The following CCSER1 variants were observed in gnomAD, a reference collection of about 807,000 sequenced individuals.
The protein encoded by CCSER1 is coiled-coil serine rich protein 1, also known as serine-rich coiled-coil domain-containing protein 1.
A neutral mutation model predicts 82.0 loss-of-function variants in CCSER1; 41 were observed. The observed-to-expected ratio is 0.50, with a 90% CI of 0.39 to 0.65. CCSER1 has a LOEUF of 0.65. Among genes scored for constraint, CCSER1 ranks in the 30% least tolerant of loss-of-function variants. CCSER1 has a pLI of 0.00. For synonymous variants in CCSER1, 414 were observed against 383.9 expected (o/e 1.08, Z -0.92); for missense variants, 1,119 against 1,064.2 (o/e 1.05, Z -0.72).
intron 3 of CCSER1, among the ~76,000 whole-genome samples, chr4:90,375,816 T>A (rs1748208844): frequency 6.6e-6 from 1 of 152,152 alleles, no homozygotes; most frequent in Admixed American, 6.5e-5. Flanking sequence ...CTGGCTGGCA[T>A]GGACATAAAT....
At position 91,541,482 on chromosome 4, in the gene CCSER1, G is replaced by C. The variant is rs574661273; in HGVS notation, c.2218-57090G>C. 1.5e-3 allele frequency among the ~76,000 whole-genome samples: 226 copies of C among 152,176 alleles called. 2 individuals are homozygous for C. Among genetic ancestry groups the C allele is most frequent in the African/African-American group, 5.2e-3 (215 of 41,518 alleles). On this transcript the variant is annotated intron_variant, in intron 10 of 10. Coordinates refer to ENST00000509176, the MANE Select transcript of CCSER1 (RefSeq NM_001145065.2). ...TATGAGTGAGAACATGCGGTGTTTG[G>C]TTTTCTGTCCTTGCAATAGTTTGCT...
intron 10 of CCSER1, among the ~76,000 whole-genome samples, chr4:91,487,077 T>A (rs1233192620): frequency 6.6e-6 from 1 of 152,212 alleles, no homozygotes. Context: ...AAAGAAACTA[T>A]TAATTTACAA....
chr4:90,303,441 A>G (rs1733570685), intron 1 of CCSER1, among the ~76,000 whole-genome samples: 1 of 152,134 alleles, frequency 6.6e-6, no homozygotes, highest in African/African-American at 2.4e-5. Context: ...TGGTACTGGT[A>G]CCAAAACACA....
chr4:91,000,969 G>A (rs532444951), intron 9 of CCSER1, among the ~76,000 whole-genome samples: 1 of 152,186 alleles, frequency 6.6e-6, no homozygotes, highest in East Asian at 1.9e-4. Context: ...GTTTAATAAG[G>A]GGTGCTGAGA....
At chr4:90,369,643 AC>A (rs1236510920) in intron 3 of CCSER1, among the ~76,000 whole-genome samples, 5 of 152,146 alleles carry the variant, frequency 3.3e-5, no homozygotes, top group Non-Finnish European at 5.9e-5. Context: ...TTGGGAGTGT[AC>A]TAATATAAAT....
intron 10 of CCSER1, among the ~76,000 whole-genome samples, chr4:91,512,487 T>G (rs1325183385): frequency 6.6e-6 from 1 of 152,178 alleles, no homozygotes; most frequent in Admixed American, 6.6e-5. Context: ...TCCCTACTTT[T>G]GAGGTTTTGG....
chr4:91,439,468 G>C (rs934208212), intron 10 of CCSER1, among the ~76,000 whole-genome samples: 5 of 151,944 alleles, frequency 3.3e-5, no homozygotes. Context: ...CCCTAAAAGA[G>C]CTCCTGAAGG....
intron 10 of CCSER1, among the ~76,000 whole-genome samples, chr4:91,115,231 T>C (rs1581584086): frequency 6.6e-6 from 1 of 152,358 alleles, no homozygotes; most frequent in Admixed American, 6.5e-5. Context: ...TTATGAGTTT[T>C]CAACTAAGTG....
chr4:90,310,818 T>C (rs1735158832), intron 2 of CCSER1, among the ~76,000 whole-genome samples: 1 of 152,104 alleles, frequency 6.6e-6, no homozygotes, highest in Non-Finnish European at 1.5e-5. Flanking sequence ...GATTATAAAG[T>C]TTATCCATAA....
At chr4:90,636,411 G>A (rs1336373761) in intron 6 of CCSER1, among the ~76,000 whole-genome samples, 4 of 151,394 alleles carry the variant, frequency 2.6e-5, no homozygotes, top group Admixed American at 6.6e-5. Context: ...AAAAAAAATT[G>A]GCAAAAATCC....
In CCSER1 at chr4:91,552,906, C is replaced by T. The variant is rs965283418; in HGVS notation, c.2218-45666C>T. 3.2e-4 allele frequency among the ~76,000 whole-genome samples: 49 copies of T among 151,386 alleles called. 1 individual carries two copies. Among genetic ancestry groups the T allele is most frequent in the Non-Finnish European group, 7.1e-4 (48 of 67,798 alleles). On this transcript the variant is annotated intron_variant, in intron 10 of 10. Transcript: ENST00000509176. Reference sequence around the variant, plus strand: ...ATTGCTCTACATAGGATGTCCAATACTATATCAAATAGAACTGGCAAGTGT... The same window carrying T: ...ATTGCTCTACATAGGATGTCCAATATTATATCAAATAGAACTGGCAAGTGT...
At chr4:90,948,999 GA>G (rs1454643980) in intron 9 of CCSER1, among the ~76,000 whole-genome samples, 3 of 152,024 alleles carry the variant, frequency 2.0e-5, no homozygotes, top group Non-Finnish European at 4.4e-5. Context: ...GTCTGACGTG[GA>G]ATGTGATAAT....
intron 2 of CCSER1, among the ~76,000 whole-genome samples, chr4:90,311,542 A>C (rs1579113158): frequency 6.6e-6 from 1 of 152,300 alleles, no homozygotes; most frequent in East Asian, 1.9e-4. Context: ...TGAAGTTTAA[A>C]ATTTTAAAAA....
chr4:91,076,634 C>T (rs1367964289), intron 9 of CCSER1, among the ~76,000 whole-genome samples: 2 of 151,846 alleles, frequency 1.3e-5, no homozygotes, highest in African/African-American at 2.4e-5. Flanking sequence ...AAAAAATAAG[C>T]TAAAATAATA....
intron 10 of CCSER1, among the ~76,000 whole-genome samples, chr4:91,514,740 G>C (rs1760009917): frequency 6.6e-6 from 1 of 152,300 alleles, no homozygotes; most frequent in Non-Finnish European, 1.5e-5. Context: ...TTTAGTTCCA[G>C]TCAAAGTCTG....
chr4:90,653,018 G>A (rs1729054744), intron 6 of CCSER1, among the ~76,000 whole-genome samples: 1 of 151,890 alleles, frequency 6.6e-6, no homozygotes, highest in Non-Finnish European at 1.5e-5. Flanking sequence ...CTTTTAGGGG[G>A]CCAAGCCTAT....
At chr4:90,445,972 A>G (rs1560529199) in intron 4 of CCSER1, among the ~76,000 whole-genome samples, 1 of 152,188 alleles carries the variant, frequency 6.6e-6, no homozygotes, top group East Asian at 1.9e-4. Context: ...AGGATGAAAT[A>G]CCAACAACTT....
chr4:91,429,469 T>G (rs1754170318), intron 10 of CCSER1, among the ~76,000 whole-genome samples: 1 of 151,992 alleles, frequency 6.6e-6, no homozygotes, highest in Admixed American at 6.6e-5. Flanking sequence ...ACCCATTACG[T>G]GCCCAATTCT....
chr4:90,257,530 C>CAGATAGATAGATAGAT (rs70963062), intron 1 of CCSER1, among the ~76,000 whole-genome samples: 81 of 150,208 alleles, frequency 5.4e-4, no homozygotes, highest in African/African-American at 1.8e-3. Context: ...CAATAGGATA[C>CAGATAGATAGATAGAT]AGATAGATAG....
Sources: gnomAD v4.1 joint callset for allele counts (sites outside exome capture counted in the v4.1 genomes callset) on GRCh38, gnomAD v4.1.1 for gene constraint, MANE v1.5 for transcripts, NCBI Gene and HGNC (gene_info 2026-07-23, HGNC 2026-07-21) for gene names.